The following PRSS12 variants were observed in gnomAD, a reference collection of about 807,000 sequenced individuals.
PRSS12 encodes the protein serine protease 12.
Under a neutral mutation model 104.4 loss-of-function variants are expected in PRSS12, and 85 were observed. That is an observed-to-expected ratio of 0.81 (90% confidence interval 0.68 to 0.98). The LOEUF (loss-of-function observed/expected upper bound fraction) is 0.98. PRSS12 is among the 50% of genes least tolerant of loss of function. The pLI is 0.00. For missense variants in PRSS12, 1,141 were observed against 1,139.2 expected, an observed-to-expected ratio of 1.00 and a Z score of -0.02; for synonymous variants, 454 against 425.2, an observed-to-expected ratio of 1.07 and a Z score of -0.83.
rs368040806 is a variant in PRSS12 at position 118,348,755 on chromosome 4, G to A, written c.502+3464C>T. On this transcript the variant is annotated intron_variant, in intron 1 of 12. Transcript: ENST00000296498. ...CAACCTCTGCCTCCCAGGTTCAAGCGATTCTCCTGCTTCAGCCTCCCAAGT... is the reference window on the plus strand; with the variant it reads ...CAACCTCTGCCTCCCAGGTTCAAGCAATTCTCCTGCTTCAGCCTCCCAAGT... Among the ~76,000 whole-genome samples the A allele has an allele frequency of 1.1e-4, 16 of 151,772 alleles. No individual in the cohort carries two copies. The East Asian group carries it at 2.5e-3, about 24-fold the overall frequency.
intron 11 of PRSS12, among the ~76,000 whole-genome samples, chr4:118,290,928 C>T (rs1168898707): frequency 6.6e-6 from 1 of 151,984 alleles, no homozygotes; most frequent in Non-Finnish European, 1.5e-5. Context: ...AGGTCCCTTC[C>T]TCACAGTCCC....
chr4:118,303,844 C>T (rs1301982584), intron 8 of PRSS12: 1 of 151,998 alleles, frequency 6.6e-6, no homozygotes, highest in Non-Finnish European at 1.5e-5. Flanking sequence ...CACTCCAAAT[C>T]CTACCGCAGT....
chr4:118,312,151 T>C (rs1043903427), intron 7 of PRSS12, among the ~76,000 whole-genome samples: 23 of 152,164 alleles, frequency 1.5e-4, no homozygotes, highest in Non-Finnish European at 2.9e-5. Flanking sequence ...GCTCTCACAG[T>C]GTACAGTACA....
intron 8 of PRSS12, among the ~76,000 whole-genome samples, chr4:118,304,747 T>C (rs1303414718): frequency 6.6e-6 from 1 of 152,046 alleles, no homozygotes; most frequent in Non-Finnish European, 1.5e-5. Flanking sequence ...TCAGACATTA[T>C]GTAATGCATC....
chr4:118,295,690 T>C (rs958054915), intron 10 of PRSS12, 88 bp downstream of exon 10: 4 of 1,210,034 alleles, frequency 3.3e-6, no homozygotes. Flanking sequence ...TACAAGTCCC[T>C]TATATAACAG....
intron 4 of PRSS12, among the ~76,000 whole-genome samples, chr4:118,320,165 A>G (rs749338771): frequency 2.2e-4 from 34 of 152,124 alleles, no homozygotes; most frequent in Non-Finnish European, 4.9e-4. Context: ...TAATTTTTAG[A>G]CTATAGCATT....
Position 118,352,815 on chromosome 4 carries a change from C to G in PRSS12, c.-95G>C, listed in dbSNP as rs990528968. 1.9e-6 allele frequency: 3 copies of G among 1,547,958 alleles called. No homozygotes were observed. The highest frequency in any genetic ancestry group is 1.4e-5 in the African/African-American group (1 of 73,560). Reference sequence around the variant, plus strand: ...GCGGGGGCGGGGCTGCCGCGTCCCTCGAATCCCCCAGCCCCCTCCCGCCCC... The same window carrying G: ...GCGGGGGCGGGGCTGCCGCGTCCCTGGAATCCCCCAGCCCCCTCCCGCCCC... On this transcript the variant is annotated 5_prime_UTR_variant, in exon 1 of 13. Coordinates refer to ENST00000296498, the MANE Select transcript of PRSS12 (RefSeq NM_003619.4).
intron 1 of PRSS12, among the ~76,000 whole-genome samples, chr4:118,347,574 C>T (rs1041347982): frequency 2.6e-5 from 4 of 152,214 alleles, no homozygotes; most frequent in African/African-American, 7.2e-5. Context: ...GGGAGGCTCT[C>T]AGCACAGTGT....
At position 118,322,549 on chromosome 4, in the gene PRSS12, T is replaced by TAA. The variant is rs11345468; in HGVS notation, c.972-3995_972-3994dup. Among the ~76,000 whole-genome samples the TAA allele has an allele frequency of 4.9e-5, 7 of 142,894 alleles. No individual in the cohort carries two copies. In the South Asian group the frequency reaches 1.6e-3, roughly 32 times the overall value. The allele number at this position is 142,894 out of a possible 152,430, so 93.7% of individuals were successfully genotyped here. A position where few individuals can be genotyped will look rare whatever the true frequency, so the allele number is the denominator to read the frequency against. On this transcript the variant is annotated intron_variant, in intron 4 of 12. Transcript: ENST00000296498. Reference sequence around the variant, plus strand: ...TGGGTGACACAGCGAGACTCCATCTTAAAAAAAAAAAAAAAATTACAATAA... The same window carrying TAA: ...TGGGTGACACAGCGAGACTCCATCTTAAAAAAAAAAAAAAAAAATTACAATAA...
At chr4:118,320,115 A>G (rs919888823) in intron 4 of PRSS12, among the ~76,000 whole-genome samples, 1 of 152,216 alleles carries the variant, frequency 6.6e-6, no homozygotes, top group African/African-American at 2.4e-5. Context: ...AAAGTGATTA[A>G]TAATTTCAGA....
rs370700780 is a variant in PRSS12, at chr4:118,326,847, T to C, written c.971+4869A>G. 1.1e-3 allele frequency among the ~76,000 whole-genome samples: 161 copies of C among 152,294 alleles called. 1 individual carries two copies. The highest frequency in any genetic ancestry group is 3.7e-3 in the African/African-American group (155 of 41,570). ...TTATCTTTCCTGCTCAATAATTCCA[T>C]ATACCAGGCTATCTTTGTTGTAAAG... is the stretch of plus-strand genomic sequence containing the variant. On this transcript the variant is annotated intron_variant, in intron 4 of 12. Coordinates refer to ENST00000296498, the MANE Select transcript of PRSS12 (RefSeq NM_003619.4).
intron 11 of PRSS12, among the ~76,000 whole-genome samples, chr4:118,291,156 A>G (rs1743118155): frequency 6.6e-6 from 1 of 152,084 alleles, no homozygotes; most frequent in African/African-American, 2.4e-5. Context: ...TCAAGGCTCA[A>G]AACTTTAGTG....
chr4:118,321,394 CA>C (rs1263189036), intron 4 of PRSS12, among the ~76,000 whole-genome samples: 2 of 152,162 alleles, frequency 1.3e-5, no homozygotes, highest in African/African-American at 4.8e-5. Context: ...TTTCCAAGCT[CA>C]ATCTTTGAAG....
At chr4:118,322,890 T>C (rs1723672118) in intron 4 of PRSS12, among the ~76,000 whole-genome samples, 1 of 151,692 alleles carries the variant, frequency 6.6e-6, no homozygotes, top group Admixed American at 6.6e-5. Context: ...GTGAGCCGAG[T>C]GGTTTTTCAA....
At position 118,317,876 on chromosome 4, in the gene PRSS12, T is replaced by C. The variant is rs533075047; in HGVS notation, c.1150+502A>G. 6.6e-5 allele frequency among the ~76,000 whole-genome samples: 10 copies of C among 152,328 alleles called. No homozygotes were observed. In the South Asian group the frequency reaches 1.4e-3, roughly 22 times the overall value. ...ACACGCACACCAGTTTGTACTCACA[T>C]ATGCCCTTCTTACAACACATGACAC... is the stretch of plus-strand genomic sequence containing the variant. On this transcript the variant is annotated intron_variant, in intron 5 of 12. Coordinates refer to ENST00000296498, the MANE Select transcript of PRSS12 (RefSeq NM_003619.4).
At chr4:118,326,489 C>T (rs1452067948) in intron 4 of PRSS12, among the ~76,000 whole-genome samples, 1 of 152,196 alleles carries the variant, frequency 6.6e-6, no homozygotes, top group Non-Finnish European at 1.5e-5. Context: ...TAAAGTTTGT[C>T]TGACTACAGA....
At chr4:118,316,848 A>ATATATC (rs1723447228) in intron 5 of PRSS12, among the ~76,000 whole-genome samples, 1 of 145,368 alleles carries the variant, frequency 6.9e-6, no homozygotes, top group Non-Finnish European at 1.5e-5. Context: ...ATATATATAT[A>ATATATC]TATATATATC....
In PRSS12 at chr4:118,298,803, G is replaced by T; in HGVS notation, c.1767C>A (p.Cys589Ter). The change falls in exon 9 of 13, where the codon TGC (cysteine) becomes TGA (stop). Residue 589 changes from cysteine to a stop codon, truncating the protein, a stop_gained. Coordinates refer to ENST00000296498, the MANE Select transcript of PRSS12 (RefSeq NM_003619.4). LOFTEE classifies it high-confidence loss of function. ...CIKQDIGRHN[C>*]RHSEDAGVIC... The stretch of plus-strand genomic sequence containing the variant: ...TAACTCCTGCATCTTCACTGTGGCG[G>T]CAGTTGTGTCTTCCAATATCTTGCT... The T allele has an allele frequency of 6.2e-7, 1 of 1,614,178 alleles. No individual in the cohort carries two copies. The highest frequency in any genetic ancestry group is 8.5e-7 in the Non-Finnish European group (1 of 1,180,020).
intron 4 of PRSS12, among the ~76,000 whole-genome samples, chr4:118,322,793 G>A (rs1723668882): frequency 6.6e-6 from 1 of 151,968 alleles, no homozygotes; most frequent in Non-Finnish European, 1.5e-5. Context: ...CAGGATAGGA[G>A]AGAAGAAGCC....
Sources: allele counts gnomAD v4.1 joint callset (sites outside exome capture counted in the v4.1 genomes callset), GRCh38; gene constraint gnomAD v4.1.1; transcripts MANE v1.5; gene names NCBI Gene and HGNC (gene_info 2026-07-23, HGNC 2026-07-21).